DNMT3A: variants seen among roughly 807,000 people sequenced by gnomAD.
DNMT3A encodes the protein DNA methyltransferase 3 alpha.
Under a neutral mutation model 117.6 loss-of-function variants are expected in DNMT3A, and 267 were observed. That is an observed-to-expected ratio of 2.27 (90% CI 2.05 to 2.51). The LOEUF (loss-of-function observed/expected upper bound fraction) is 2.51, where lower values mean the gene tolerates loss of function less well. Among genes scored for constraint, DNMT3A ranks in the 30% most tolerant of loss-of-function variants. The pLI, the probability that DNMT3A is intolerant of heterozygous loss-of-function variation, is 0.00. For missense variants in DNMT3A, 1,029 were observed against 1,260.2 expected (o/e 0.82, Z 2.78); for synonymous variants, 432 against 474.8 (o/e 0.91, Z 1.17).
intron 13 of DNMT3A, 143 bp from the exon 14 acceptor site, chr2:25,244,795 G>C (rs975988522): frequency 3.2e-5 from 22 of 695,394 alleles, no homozygotes; most frequent in African/African-American, 5.3e-5. Flanking sequence ...TCAGGCCCCA[G>C]CTGCAGATCT....
In DNMT3A at chr2:25,282,513, G is replaced by A. The variant is rs2149378853; in HGVS notation, c.376C>T (p.Pro126Ser). 1 of 1,613,460 alleles carries A rather than the reference G, an allele frequency of 6.2e-7. No individual in the cohort carries two copies. Reference protein sequence around the residue: ...AEGEGAAETLPEASRAVENGC... With the variant: ...AEGEGAAETLSEASRAVENGC... Reference sequence around the variant, plus strand: ...TTTTCCACTGCTCTTGAGGCTTCAGGCAGGGTCTCAGCTGCACCCTCTCCC... The same window carrying A: ...TTTTCCACTGCTCTTGAGGCTTCAGACAGGGTCTCAGCTGCACCCTCTCCC... The change falls in exon 4 of 23, where the codon CCT becomes TCT. Residue 126 changes from proline to serine, a missense_variant. Transcript: ENST00000321117. The surrounding 1 kb of genome is among the most constrained non-coding windows in gnomAD (Gnocchi z 5.2).
Position 25,252,286 on chromosome 2 carries a change from G to T in DNMT3A, c.640-4034C>A. ...AGTAGCTGCCCGTCTTGGGGGAGGG[G>T]AAGGGGGCGATGGGGCTGGGGGCGG... On this transcript the variant is annotated intron_variant, in intron 6 of 22. Coordinates refer to ENST00000321117, the MANE Select transcript of DNMT3A (RefSeq NM_022552.5). The surrounding 1 kb of genome is among the most constrained non-coding windows in gnomAD (Gnocchi z 5.5). 3.8e-6 allele frequency: 3 copies of T among 784,188 alleles called. No individual in the cohort carries two copies. The highest frequency in any genetic ancestry group is 5.6e-6 in the Non-Finnish European group (3 of 538,142). 48.6% of individuals were successfully genotyped at this position (784,188 alleles called of 1,614,324 possible). A position where few individuals can be genotyped will look rare whatever the true frequency, so the allele number is the denominator to read the frequency against.
intron 1 of DNMT3A, among the ~76,000 whole-genome samples, chr2:25,320,513 A>C (rs2149436736): frequency 6.6e-6 from 1 of 152,340 alleles, no homozygotes; most frequent in East Asian, 1.9e-4. Context: ...GTTAAAAAGA[A>C]AAAAAGAAAA....
At chr2:25,239,248 A>G in intron 19 of DNMT3A, 33 bp from the exon 20 acceptor site, 1 of 1,601,264 alleles carries the variant, frequency 6.2e-7, no homozygotes. Flanking sequence ...AAGATGAGCC[A>G]AGGAGGAGCA....
At chr2:25,267,856 T>C (rs2030498984) in intron 6 of DNMT3A, among the ~76,000 whole-genome samples, 1 of 151,774 alleles carries the variant, frequency 6.6e-6, no homozygotes, top group Non-Finnish European at 1.5e-5. Flanking sequence ...CAGAAATGGG[T>C]AGAGGCAGAA....
In DNMT3A at chr2:25,247,205, G is replaced by C. The variant is rs756135638; in HGVS notation, c.1015-47C>G. 6.3e-7 allele frequency: 1 copy of C among 1,587,678 alleles called. No homozygotes were observed. Among genetic ancestry groups the C allele is most frequent in the South Asian group, 1.1e-5 (1 of 88,906 alleles). On this transcript the variant is annotated intron_variant, in intron 8 of 22. Transcript: ENST00000321117. The surrounding 1 kb of genome is among the most constrained non-coding windows in gnomAD (Gnocchi z 5.6). ...TGTTTGCCGAGGCTTACACTTGCAA[G>C]CACCCACCCCATGCCTTGCAACTGG...
Position 25,282,222 on chromosome 2 carries a change from G to A in DNMT3A, c.448+219C>T. The A allele has an allele frequency of 1.6e-6, 2 of 1,246,850 alleles. No homozygotes were observed. The highest frequency in any genetic ancestry group is 3.1e-5 in the East Asian group (1 of 31,814). The allele number at this position is 1,246,850 out of a possible 1,614,324, so 77.2% of individuals were successfully genotyped here. A position where few individuals can be genotyped will look rare whatever the true frequency, so the allele number is the denominator to read the frequency against. On this transcript the variant is annotated intron_variant, in intron 4 of 22. Transcript: ENST00000321117. The surrounding 1 kb of genome is among the most constrained non-coding windows in gnomAD (Gnocchi z 5.2). Reference sequence around the variant, plus strand: ...TGAAATTTTTTGATTTTTAAATACTGGCAACTAATTTTTTAAATGTTTAAA... The same window carrying A: ...TGAAATTTTTTGATTTTTAAATACTAGCAACTAATTTTTTAAATGTTTAAA...
intron 5 of DNMT3A, among the ~76,000 whole-genome samples, 198 bp from the exon 6 acceptor site, chr2:25,275,285 C>A (rs114941767): frequency 0.015 from 2,233 of 152,298 alleles, 44 homozygotes; most frequent in African/African-American, 0.049. Context: ...GACACGGCCA[C>A]AGGCCACGAA....
At position 25,299,119 on chromosome 2, in the gene DNMT3A, A is replaced by AGG. The variant is rs199768592; in HGVS notation, c.177+1018_177+1019dup. 4.4e-3 allele frequency among the ~76,000 whole-genome samples: 676 copies of AGG among 152,290 alleles called. 5 individuals are homozygous for AGG. The highest frequency in any genetic ancestry group is 0.016 in the African/African-American group (660 of 41,538). On this transcript the variant is annotated intron_variant, in intron 3 of 22. Transcript: ENST00000321117. ...TCCAAGTTTACCATTCTCAGCTGGA[A>AGG]GGGGGGTAAAAGAAAGGAACCAGCT...
chr2:25,275,630 C>A (rs980060145), intron 4 of DNMT3A, 87 bp from the exon 5 acceptor site: 24 of 1,437,494 alleles, frequency 1.7e-5, no homozygotes, highest in Non-Finnish European at 2.1e-5. Context: ...TGCCTGGGGT[C>A]CCTGCCACAG....
chr2:25,265,806 A>G (rs917534777), intron 6 of DNMT3A, among the ~76,000 whole-genome samples: 3 of 151,244 alleles, frequency 2.0e-5, no homozygotes, highest in Non-Finnish European at 4.4e-5. Flanking sequence ...GTGACAGAGT[A>G]AGACTCCATC....
At chr2:25,276,745 G>A (rs1250662968) in intron 4 of DNMT3A, among the ~76,000 whole-genome samples, 1 of 152,266 alleles carries the variant, frequency 6.6e-6, no homozygotes, top group Non-Finnish European at 1.5e-5. Flanking sequence ...GTCGGGAACC[G>A]ACAGCGTATC....
chr2:25,253,808 T>C (rs879512361), intron 6 of DNMT3A, among the ~76,000 whole-genome samples: 1 of 152,196 alleles, frequency 6.6e-6, no homozygotes, highest in Non-Finnish European at 1.5e-5. Flanking sequence ...GCGCGGTGGC[T>C]CACGCCTATA....
chr2:25,335,875 A>G (rs765154619), intron 1 of DNMT3A, among the ~76,000 whole-genome samples: 22 of 152,082 alleles, frequency 1.4e-4, no homozygotes, highest in Non-Finnish European at 2.1e-4. Context: ...ACCTGGTCAT[A>G]TATCTAAATA....
chr2:25,276,560 C>T (rs1253946861), intron 4 of DNMT3A, among the ~76,000 whole-genome samples: 2 of 152,232 alleles, frequency 1.3e-5, no homozygotes, highest in East Asian at 1.9e-4. Context: ...AGGGGAGCTG[C>T]GCTCCTCCCA....
chr2:25,308,968 T>TACACACACACACACACACAC (rs10628428), intron 2 of DNMT3A, among the ~76,000 whole-genome samples: 7 of 144,046 alleles, frequency 4.9e-5, no homozygotes, highest in South Asian at 4.5e-4. Flanking sequence ...CACAGATGCA[T>TACACACACACACACACACAC]ACACACACAC....
intron 16 of DNMT3A, 114 bp from the exon 17 acceptor site, chr2:25,241,821 C>T: frequency 7.3e-7 from 1 of 1,363,270 alleles, no homozygotes; most frequent in African/African-American, 1.5e-5. Flanking sequence ...AGGCCCAAGT[C>T]CTATCTTTTC....
chr2:25,341,015 G>A (rs1201227420), intron 1 of DNMT3A, among the ~76,000 whole-genome samples: 1 of 146,430 alleles, frequency 6.8e-6, no homozygotes, highest in Admixed American at 6.7e-5. Context: ...TCCGGGGGAA[G>A]GTGTGCCCCC....
rs150215164 is a variant in DNMT3A, at chr2:25,314,388, C to T, written c.-177-227G>A. On this transcript the variant is annotated intron_variant, in intron 1 of 22. Coordinates refer to ENST00000321117, the MANE Select transcript of DNMT3A (RefSeq NM_022552.5). ...AGTGGCAGCAGTCTCCCCTCCGTGT[C>T]GCTGCGGCCAATGGGTGCCACTTCT... 3.6e-4 allele frequency: 353 copies of T among 985,338 alleles called. 1 individual carries two copies. In the African/African-American group the frequency reaches 5.1e-3, roughly 14 times the overall value. The allele number at this position is 985,338 out of a possible 1,614,324, so 61.0% of individuals were successfully genotyped here.
Sources: gnomAD v4.1 joint callset for allele counts (sites outside exome capture counted in the v4.1 genomes callset) on GRCh38, gnomAD v4.1.1 for gene constraint, Gnocchi (gnomAD v3.1) non-coding constraint, MANE v1.5 for transcripts, NCBI Gene and HGNC (gene_info 2026-07-23, HGNC 2026-07-21) for gene names.